The following FAH variants were observed in gnomAD, a reference collection of about 807,000 sequenced individuals.
FAH encodes the protein fumarylacetoacetase.
A neutral mutation model predicts 55.8 loss-of-function variants in FAH; 47 were observed. That is an observed-to-expected ratio of 0.84 (90% CI 0.67 to 1.07). The LOEUF is 1.07. FAH is among the 50% of genes least tolerant of loss of function. The probability of loss-of-function intolerance (pLI) is 0.00; values close to 1 mark genes in which losing one functional copy is unlikely to be tolerated. For missense variants in FAH, 495 were observed against 545.9 expected (o/e 0.91, Z 0.93); for synonymous variants, 199 against 207.7 (o/e 0.96, Z 0.36).
At chr15:80,175,952 C>T (rs2041280383) in intron 10 of FAH, among the ~76,000 whole-genome samples, 1 of 152,196 alleles carries the variant, frequency 6.6e-6, no homozygotes, top group Non-Finnish European at 1.5e-5. Context: ...CACACACAGA[C>T]CTCCTAGCCA....
intron 11 of FAH, 126 bp downstream of exon 11, chr15:80,177,709 G>C: frequency 1.2e-6 from 1 of 855,274 alleles, no homozygotes; most frequent in Non-Finnish European, 2.0e-6. Context: ...TGGGCCTGGA[G>C]CTTCCATGGC....
In FAH at chr15:80,156,018, A is replaced by G. The variant is rs536845241; in HGVS notation, c.82-2042A>G. 1.9e-4 allele frequency: 81 copies of G among 433,352 alleles called. 1 individual carries two copies. In the Middle Eastern group the frequency reaches 2.9e-3, roughly 15 times the overall value. 26.8% of individuals were successfully genotyped at this position (433,352 alleles called of 1,614,324 possible). On this transcript the variant is annotated intron_variant, in intron 1 of 13. Coordinates refer to ENST00000561421, the MANE Select transcript of FAH (RefSeq NM_000137.4). ...ACCACAGGGAGGGGTTTAGGCCTCC[A>G]GATGACTGCGGGCAGGCCTGGATAA...
At chr15:80,157,902 G>C (rs2041112408) in intron 1 of FAH, 158 bp from the exon 2 acceptor site, 2 of 677,208 alleles carry the variant, frequency 3.0e-6, no homozygotes, top group East Asian at 5.3e-5. Context: ...CAAGGGAGCT[G>C]GGGCAGGATG....
At position 80,162,355 on chromosome 15, in the gene FAH, G is replaced by C. The variant is rs774022499; in HGVS notation, c.455+19G>C. On this transcript the variant is annotated intron_variant, in intron 5 of 13. Coordinates refer to ENST00000561421, the MANE Select transcript of FAH (RefSeq NM_000137.4). ...CAAATTGGTATGAACTGGGCCAAAT[G>C]TCTGCATAAGTTCAAAGTCTTTCTT... 5.1e-6 allele frequency: 8 copies of C among 1,580,472 alleles called. No homozygotes were observed. The highest frequency in any genetic ancestry group is 5.0e-5 in the Admixed American group (3 of 59,964).
At chr15:80,171,520 G>A (rs905888452) in intron 7 of FAH, among the ~76,000 whole-genome samples, 1 of 152,158 alleles carries the variant, frequency 6.6e-6, no homozygotes, top group African/African-American at 2.4e-5. Context: ...GAGTGCCGTG[G>A]CGTGATCTCG....
At chr15:80,186,035 G>A (rs2041367829) in intron 13 of FAH, 95 bp from the exon 14 acceptor site, 4 of 932,004 alleles carry the variant, frequency 4.3e-6, no homozygotes, top group Non-Finnish European at 7.2e-6. Context: ...CCTGCCTCGG[G>A]CCAGCTGTGT....
chr15:80,171,331 C>T (rs1379279666), intron 7 of FAH, among the ~76,000 whole-genome samples: 1 of 110,958 alleles, frequency 9.0e-6, no homozygotes, highest in South Asian at 3.3e-4. Flanking sequence ...ATGATGAGTT[C>T]ATGTCCTTTG....
chr15:80,172,202 G>T lies in FAH; in HGVS notation c.660G>T (p.Lys220Asn). Residue 220 changes from lysine to asparagine, a missense_variant, in exon 8 of 14, where the codon AAG becomes AAT. By Grantham distance (94) the Lys-to-Asn change is moderately conservative. Transcript: ENST00000561421. ...NRLGEPIPIS[K>N]AHEHIFGMVL... ...TGGGAGAGCCGATCCCCATTTCCAAGGCCCATGAGCACATTTTTGGAATGG... is the reference window on the plus strand; with the variant it reads ...TGGGAGAGCCGATCCCCATTTCCAATGCCCATGAGCACATTTTTGGAATGG... 1 of 1,614,126 alleles carries T rather than the reference G, an allele frequency of 6.2e-7. No individual in the cohort carries two copies. The highest frequency in any genetic ancestry group is 1.1e-5 in the South Asian group (1 of 91,076).
rs1433995258 is a variant in FAH, at chr15:80,180,175, T to C, written c.1012T>C (p.Cys338Arg). Residue 338 changes from cysteine to arginine, a missense_variant, in exon 12 of 14, where the codon TGC becomes CGC. By Grantham distance (180) the Cys-to-Arg change is radical. Transcript: ENST00000561421. ...GCTCACTCACCACTCTGTCAACGGC[T>C]GCAACCTGCGGCCGGGGGACCTCCT... ...QQLTHHSVNG[C>R]NLRPGDLLAS... 2 of 1,610,602 alleles carry C rather than the reference T, an allele frequency of 1.2e-6. No individual in the cohort carries two copies. Among genetic ancestry groups the C allele is most frequent in the South Asian group, 1.1e-5 (1 of 91,088 alleles).
intron 13 of FAH, 103 bp downstream of exon 13, chr15:80,181,262 G>A (rs554609724): frequency 2.4e-5 from 19 of 783,462 alleles, no homozygotes; most frequent in African/African-American, 1.5e-4. Context: ...CTGTTCTCAC[G>A]CATCCTGACT....
upstream of FAH, chr15:80,152,942 C>A: frequency 2.3e-6 from 2 of 877,338 alleles, no homozygotes; most frequent in South Asian, 1.4e-5. Context: ...GTCACCCGGA[C>A]AGGCCGTGGG....
Position 80,177,521 on chromosome 15 carries a change from C to G in FAH, c.914-16C>G, listed in dbSNP as rs752395852. The stretch of plus-strand genomic sequence containing the variant: ...TGGAATTAAGTTTTCATCAATATTG[C>G]TTTTCTTTCCAACAGGAGAAGGAAT... On this transcript the variant is annotated splice_polypyrimidine_tract_variant and intron_variant, in intron 10 of 13. Coordinates refer to ENST00000561421, the MANE Select transcript of FAH (RefSeq NM_000137.4). 5 of 1,612,642 alleles carry G rather than the reference C, an allele frequency of 3.1e-6. No individual in the cohort carries two copies. In the South Asian group the frequency reaches 5.5e-5, roughly 18 times the overall value.
intron 11 of FAH, among the ~76,000 whole-genome samples, chr15:80,177,842 A>T (rs967148055): frequency 3.3e-5 from 5 of 152,178 alleles, no homozygotes; most frequent in Non-Finnish European, 7.4e-5. Context: ...TTCCTGGTTT[A>T]TCCTGTCCTG....
At chr15:80,158,792 C>A (rs1409519506) in intron 2 of FAH, among the ~76,000 whole-genome samples, 1 of 152,020 alleles carries the variant, frequency 6.6e-6, no homozygotes, top group Admixed American at 6.5e-5. Context: ...CCTATGGGGG[C>A]CTGAGCATCT....
In FAH at chr15:80,153,047, T is replaced by C; in HGVS notation, c.-8T>C. ...TTAGGCCCGCAGCCGTGCCGGGTGC[T>C]CTTCAGCATGTCCTTCATCCCGGTG... On this transcript the variant is annotated 5_prime_UTR_variant, in exon 1 of 14. Coordinates refer to ENST00000561421, the MANE Select transcript of FAH (RefSeq NM_000137.4). The C allele has an allele frequency of 6.2e-7, 1 of 1,612,858 alleles. No homozygotes were observed.
chr15:80,177,626 A>G (rs764795006), intron 11 of FAH, 43 bp downstream of exon 11: 1 of 1,559,682 alleles, frequency 6.4e-7, no homozygotes, highest in Non-Finnish European at 8.8e-7. Context: ...GAATTGAGGG[A>G]AAGAGAGACT....
At chr15:80,159,972 A>C (rs926276852) in intron 3 of FAH, 95 bp downstream of exon 3, 1 of 1,509,290 alleles carries the variant, frequency 6.6e-7, no homozygotes, top group African/African-American at 1.4e-5. Flanking sequence ...ACGGCTTGGC[A>C]GCCTTAGTGT....
intron 5 of FAH, chr15:80,167,312 G>A (rs1417927515): frequency 6.6e-6 from 1 of 152,392 alleles, no homozygotes; most frequent in Non-Finnish European, 1.5e-5. Context: ...CAGCTTCTGG[G>A]GGCTGCAGGC....
At position 80,177,221 on chromosome 15, in the gene FAH, T is replaced by C. The variant is rs10152142; in HGVS notation, c.914-316T>C. ...TAGCTTTCAAATGGCACACTATCTT[T>C]AGTGGATTTGCGGGTGCCAGGATCA... On this transcript the variant is annotated intron_variant, in intron 10 of 13. Coordinates refer to ENST00000561421, the MANE Select transcript of FAH (RefSeq NM_000137.4). Among the ~76,000 whole-genome samples the C allele has an allele frequency of 0.51, 77,838 of 151,998 alleles. 21,074 individuals carry two copies. Among genetic ancestry groups the C allele is most frequent in the East Asian group, 0.77 (3,964 of 5,162 alleles).
Sources: gnomAD v4.1 joint callset for allele counts (sites outside exome capture counted in the v4.1 genomes callset) on GRCh38, gnomAD v4.1.1 for gene constraint, MANE v1.5 for transcripts, NCBI Gene and HGNC (gene_info 2026-07-23, HGNC 2026-07-21) for gene names.